Variants in GRIN2B observed in about 807,000 individuals in gnomAD.
GRIN2B encodes the protein glutamate receptor ionotropic, NMDA 2B.
GRIN2B carries 5 observed loss-of-function variants against 114.5 expected under a neutral mutation model. The ratio of observed to expected loss-of-function variants is 0.04; its 90% confidence interval spans 0.02 to 0.09. The LOEUF is 0.09. Among genes scored for constraint, GRIN2B ranks in the 10% least tolerant of loss-of-function variants. The pLI is 1.00. For synonymous variants in GRIN2B, 787 were observed against 745.1 expected (o/e 1.06, Z -0.92); for missense variants, 1,108 against 1,943.5 (o/e 0.57, Z 8.08).
At chr12:13,815,319 C>A (rs1177576809) in intron 3 of GRIN2B, among the ~76,000 whole-genome samples, 1 of 151,704 alleles carries the variant, frequency 6.6e-6, no homozygotes, top group African/African-American at 2.4e-5. Flanking sequence ...AAGCAAAAAC[C>A]TCTGAGAGTA....
intron 2 of GRIN2B, among the ~76,000 whole-genome samples, chr12:13,867,542 G>A (rs1174871548): frequency 4.6e-5 from 7 of 151,970 alleles, no homozygotes; most frequent in East Asian, 3.9e-4. Flanking sequence ...TTTACTGCCC[G>A]AATCCATAAA....
chr12:13,570,182 G>C (rs1158868902), intron 11 of GRIN2B, among the ~76,000 whole-genome samples, 165 bp from the exon 12 acceptor site: 2 of 152,196 alleles, frequency 1.3e-5, no homozygotes, highest in East Asian at 3.8e-4. Context: ...TAAATCCCAG[G>C]CTGTTCTTTA....
At position 13,670,019 on chromosome 12, in the gene GRIN2B, T is replaced by G. The variant is rs922716396; in HGVS notation, c.1125+5726A>C. 2.6e-5 allele frequency among the ~76,000 whole-genome samples: 4 copies of G among 152,072 alleles called. No individual in the cohort carries two copies. The South Asian group carries it at 8.3e-4, about 32-fold the overall frequency. On this transcript the variant is annotated intron_variant, in intron 5 of 13. Transcript: ENST00000609686. ...GCAGAGCATTCTGTTTTACTACATT[T>G]TCATTGCTTCAGCTCTTGTGGGGGT...
In GRIN2B at chr12:13,563,002, CG is replaced by C. The variant is rs1565452732; in HGVS notation, c.4235del (p.Ala1412GlyfsTer37). 6.2e-7 allele frequency: 1 copy of C among 1,613,474 alleles called. No homozygotes were observed. The highest frequency in any genetic ancestry group is 8.5e-7 in the Non-Finnish European group (1 of 1,179,452). ...KSYFFRQPTV[A>X]GASKARPDFR... Reference sequence around the variant, plus strand: ...AGTCCGGCCTGGCTTTCGACGCCCCCGCCACCGTGGGCTGCCTGAAGAAGTA... The same window carrying C: ...AGTCCGGCCTGGCTTTCGACGCCCCCCCACCGTGGGCTGCCTGAAGAAGTA... On this transcript the variant is annotated frameshift_variant, in exon 14 of 14. Transcript: ENST00000609686. LOFTEE classifies it high-confidence loss of function.
intron 3 of GRIN2B, among the ~76,000 whole-genome samples, chr12:13,862,236 C>T (rs980889139): frequency 2.6e-5 from 4 of 152,144 alleles, no homozygotes; most frequent in Admixed American, 1.3e-4. Context: ...TGCTATTTGA[C>T]GAGGTGCTGA....
chr12:13,709,857 A>T (rs1039774126), intron 4 of GRIN2B, among the ~76,000 whole-genome samples: 1 of 152,196 alleles, frequency 6.6e-6, no homozygotes, highest in Non-Finnish European at 1.5e-5. Flanking sequence ...GCTCTGAAAA[A>T]TGGTTGGCCA....
intron 5 of GRIN2B, among the ~76,000 whole-genome samples, chr12:13,662,166 T>C (rs922931195): frequency 2.0e-5 from 3 of 152,210 alleles, no homozygotes; most frequent in Admixed American, 6.5e-5. Flanking sequence ...ATAAATATTG[T>C]AATGTTCATA....
chr12:13,948,178 G>C lies in GRIN2B; in HGVS notation c.-19+31750C>G, dbSNP rs539251074. On this transcript the variant is annotated intron_variant, in intron 2 of 13. Coordinates refer to ENST00000609686, the MANE Select transcript of GRIN2B (RefSeq NM_000834.5). The stretch of plus-strand genomic sequence containing the variant: ...GTTGTCTAATAGCTACAAGAAAGAA[G>C]GTTCTGGGGCAAATATAACCACATT... 1.1e-4 allele frequency among the ~76,000 whole-genome samples: 17 copies of C among 152,302 alleles called. No homozygotes were observed. In the East Asian group the frequency reaches 3.3e-3, roughly 29 times the overall value.
intron 10 of GRIN2B, among the ~76,000 whole-genome samples, chr12:13,589,343 G>A (rs1217288232): frequency 6.6e-6 from 1 of 152,176 alleles, no homozygotes; most frequent in African/African-American, 2.4e-5. Flanking sequence ...TGAACAAGGG[G>A]CTTACAAGGT....
intron 2 of GRIN2B, among the ~76,000 whole-genome samples, chr12:13,892,694 C>T (rs1866283941): frequency 6.6e-6 from 1 of 152,176 alleles, no homozygotes; most frequent in South Asian, 2.1e-4. Context: ...AAAACAGTCT[C>T]CTAAGCTTTG....
rs139336859 is a variant in GRIN2B at position 13,656,527 on chromosome 12, G to A, written c.1125+19218C>T. On this transcript the variant is annotated intron_variant, in intron 5 of 13. Transcript: ENST00000609686. ...AAAGGTCTTTCTCTGATCGCTGGTC[G>A]CAAGGTTCTGAAGAAATCTGCTCTA... 1.9e-3 allele frequency among the ~76,000 whole-genome samples: 291 copies of A among 152,296 alleles called. 3 individuals are homozygous for A. The highest frequency in any genetic ancestry group is 6.5e-3 in the African/African-American group (269 of 41,566).
At chr12:13,903,016 A>AT (rs1271661431) in intron 2 of GRIN2B, among the ~76,000 whole-genome samples, 1 of 151,912 alleles carries the variant, frequency 6.6e-6, no homozygotes, top group African/African-American at 2.4e-5. Context: ...ATTTCAACTA[A>AT]TTTTTTTAAT....
intron 4 of GRIN2B, among the ~76,000 whole-genome samples, chr12:13,704,067 G>A (rs992616601): frequency 3.3e-5 from 5 of 152,184 alleles, no homozygotes; most frequent in Non-Finnish European, 7.3e-5. Flanking sequence ...ATGAAAATTA[G>A]TCAGAGATTT....
intron 2 of GRIN2B, among the ~76,000 whole-genome samples, chr12:13,954,830 C>A (rs1184903378): frequency 0.034 from 1,046 of 30,640 alleles, no homozygotes; most frequent in Middle Eastern, 0.1. Context: ...AAAAAAAAAA[C>A]TTTTTCTTCT....
chr12:13,768,983 G>A (rs1468786387), intron 3 of GRIN2B, among the ~76,000 whole-genome samples: 1 of 152,114 alleles, frequency 6.6e-6, no homozygotes, highest in Admixed American at 6.5e-5. Flanking sequence ...GCAGTGAGCC[G>A]AGATCGCACC....
At chr12:13,959,740 A>G (rs907128599) in intron 2 of GRIN2B, among the ~76,000 whole-genome samples, 6 of 149,902 alleles carry the variant, frequency 4.0e-5, no homozygotes, top group African/African-American at 1.5e-4. Context: ...AGGGAGAGGA[A>G]CAGTGGGTTT....
intron 4 of GRIN2B, among the ~76,000 whole-genome samples, chr12:13,715,775 C>T (rs1319274236): frequency 6.6e-6 from 1 of 151,792 alleles, no homozygotes; most frequent in South Asian, 2.1e-4. Context: ...CAAAATATAA[C>T]CCCTTGATAA....
intron 4 of GRIN2B, among the ~76,000 whole-genome samples, chr12:13,742,205 A>G (rs1243686269): frequency 6.6e-6 from 1 of 152,162 alleles, no homozygotes; most frequent in African/African-American, 2.4e-5. Flanking sequence ...TTTCTCCCCA[A>G]ATGGTGTTAT....
chr12:13,726,872 C>T (rs977717580), intron 4 of GRIN2B, among the ~76,000 whole-genome samples: 6 of 152,004 alleles, frequency 3.9e-5, no homozygotes, highest in African/African-American at 1.4e-4. Context: ...TATGCCTTTG[C>T]ATCCTCATAG....
Sources: allele counts gnomAD v4.1 joint callset (sites outside exome capture counted in the v4.1 genomes callset), GRCh38; gene constraint gnomAD v4.1.1; transcripts MANE v1.5; gene names NCBI Gene and HGNC (gene_info 2026-07-23, HGNC 2026-07-21).